The following EIF3B variants were observed in gnomAD, a reference collection of about 807,000 sequenced individuals.
EIF3B encodes eukaryotic translation initiation factor 3 subunit B, also known as eukaryotic translation initiation factor 3 subunit 9.
EIF3B carries 10 observed loss-of-function variants against 104.6 expected under a neutral mutation model. That is an observed-to-expected ratio of 0.10 (90% CI 0.06 to 0.16). EIF3B has a LOEUF of 0.16. EIF3B is among the 10% of genes least tolerant of loss of function. The pLI is 1.00. For synonymous variants in EIF3B, 542 were observed against 417.2 expected, an observed-to-expected ratio of 1.30 and a Z score of -3.65; for missense variants, 1,014 against 1,087.9, an observed-to-expected ratio of 0.93 and a Z score of 0.96.
intron 16 of EIF3B, 42 bp from the exon 17 acceptor site, chr7:2,379,092 C>G: frequency 6.3e-7 from 1 of 1,577,182 alleles, no homozygotes; most frequent in Non-Finnish European, 8.7e-7. Context: ...TGGGGAGGCA[C>G]TTGTCTTACC....
intron 10 of EIF3B, 118 bp from the exon 11 acceptor site, chr7:2,371,659 C>T (rs763058613): frequency 2.9e-5 from 23 of 795,394 alleles, no homozygotes; most frequent in Admixed American, 4.0e-5. Context: ...TGCACATGCT[C>T]GTGTGTGAAC....
intron 13 of EIF3B, 87 bp downstream of exon 13, chr7:2,374,693 TGG>T: frequency 1.6e-6 from 2 of 1,254,676 alleles, no homozygotes; most frequent in Non-Finnish European, 2.3e-6. Context: ...CCCGGCTTCT[TGG>T]TAGAGAGAGT....
At chr7:2,374,241 G>C (rs1187801004) in intron 12 of EIF3B, 1 of 324,740 alleles carries the variant, frequency 3.1e-6, no homozygotes, top group African/African-American at 2.1e-5. Context: ...CCCTGCAGCA[G>C]TGAACATTTG....
chr7:2,367,232 C>T, intron 9 of EIF3B, 187 bp downstream of exon 9: 1 of 562,514 alleles, frequency 1.8e-6, no homozygotes, highest in Non-Finnish European at 3.1e-6. Context: ...CGGCCCACCT[C>T]CCTCCTAGTG....
intron 14 of EIF3B, 29 bp from the exon 15 acceptor site, chr7:2,376,921 T>G: frequency 6.2e-7 from 1 of 1,603,030 alleles, no homozygotes; most frequent in Non-Finnish European, 8.5e-7. Context: ...GACCCCTCTG[T>G]GTCCTGGTGT....
chr7:2,379,936 T>C (rs1015724953), intron 18 of EIF3B: 25 of 258,694 alleles, frequency 9.7e-5, no homozygotes, highest in Non-Finnish European at 1.8e-4. Context: ...GGGAGCAGAG[T>C]GCGGGAGCTC....
rs1215974327 is a variant in EIF3B at position 2,379,476 on chromosome 7, T to A, written c.2424T>A (p.Ile808=). The A allele has an allele frequency of 6.3e-7, 1 of 1,578,880 alleles. No individual in the cohort carries two copies. The highest frequency in any genetic ancestry group is 2.3e-5 in the East Asian group (1 of 43,574). ...AGTTCTTCGTCACTGAAGAAATCAT[T>A]CCCCTCGGGAATCAGGAGTGACCTG... The part of the protein sequence containing the change: ...TIEFFVTEEI[I]PLGNQE The change falls in exon 18 of 19, where the codon ATT becomes ATA. Residue 808 remains isoleucine (I), a synonymous_variant. Transcript: ENST00000360876.
intron 2 of EIF3B, among the ~76,000 whole-genome samples, chr7:2,361,474 C>T (rs1355443013): frequency 6.6e-6 from 1 of 152,080 alleles, no homozygotes; most frequent in Non-Finnish European, 1.5e-5. Flanking sequence ...GGCTGGAGTG[C>T]AGTGTCGCAA....
chr7:2,367,681 G>T (rs577815692), intron 9 of EIF3B, among the ~76,000 whole-genome samples: 1 of 151,974 alleles, frequency 6.6e-6, no homozygotes, highest in Non-Finnish European at 1.5e-5. Flanking sequence ...TGTTGGCTGG[G>T]CTGGTCTCAA....
Position 2,380,433 on chromosome 7 carries a change from G to A in EIF3B, c.*244G>A, listed in dbSNP as rs1282229966. On this transcript the variant is annotated 3_prime_UTR_variant, in exon 19 of 19. Coordinates refer to ENST00000360876, the MANE Select transcript of EIF3B (RefSeq NM_001037283.2). ...CTTTCAGCCCCTGGTGTCTGCAGTG[G>A]GGGATTTAAGGCACCCGCTTCCACT... 1 of 515,790 alleles carries A rather than the reference G, an allele frequency of 1.9e-6. No homozygotes were observed. Among genetic ancestry groups the A allele is most frequent in the East Asian group, 5.5e-5 (1 of 18,314 alleles). 32.0% of individuals were successfully genotyped at this position (515,790 alleles called of 1,614,324 possible). A position where few individuals can be genotyped will look rare whatever the true frequency, so the allele number is the denominator to read the frequency against.
Position 2,355,360 on chromosome 7 carries a change from G to C in EIF3B, c.439G>C (p.Asp147His), listed in dbSNP as rs1226332885. 3 of 1,537,670 alleles carry C rather than the reference G, an allele frequency of 2.0e-6. No individual in the cohort carries two copies. The highest frequency in any genetic ancestry group is 2.4e-5 in the East Asian group (1 of 41,218). Residue 147 changes from aspartate (D) to histidine (H), a missense_variant, in exon 1 of 19, where the codon GAC becomes CAC. Asp to His is a moderately conservative substitution (Grantham distance 81). Coordinates refer to ENST00000360876, the MANE Select transcript of EIF3B (RefSeq NM_001037283.2). ...EAEPRALENG[D>H]ADEPSFSDPE... ...CGAACCCCGGGCGCTGGAGAACGGC[G>C]ACGCGGACGAGCCCTCCTTCAGCGA... is the stretch of plus-strand genomic sequence containing the variant.
chr7:2,356,270 T>G (rs1779430582), intron 1 of EIF3B, among the ~76,000 whole-genome samples: 1 of 152,138 alleles, frequency 6.6e-6, no homozygotes, highest in African/African-American at 2.4e-5. Flanking sequence ...CAGGACAATT[T>G]CGGGAATAAC....
chr7:2,356,050 G>C (rs571512112), intron 1 of EIF3B, among the ~76,000 whole-genome samples: 1 of 152,286 alleles, frequency 6.6e-6, no homozygotes, highest in South Asian at 2.1e-4. Context: ...TCTCAACCTT[G>C]ATTGGATTTA....
At position 2,366,599 on chromosome 7, in the gene EIF3B, G is replaced by C; in HGVS notation, c.1356+8G>C. ...AGCATCTATGAAACTCCTGTAAGTG[G>C]CCTCAGTGATGGCAAACGCCCCGTC... On this transcript the variant is annotated splice_region_variant and intron_variant, in intron 8 of 18. Transcript: ENST00000360876. 1 of 1,614,174 alleles carries C rather than the reference G, an allele frequency of 6.2e-7. No individual in the cohort carries two copies. Among genetic ancestry groups the C allele is most frequent in the Non-Finnish European group, 8.5e-7 (1 of 1,180,028 alleles).
intron 1 of EIF3B, among the ~76,000 whole-genome samples, chr7:2,355,727 C>CT (rs1779386281): frequency 6.6e-6 from 1 of 152,132 alleles, no homozygotes; most frequent in Non-Finnish European, 1.5e-5. Flanking sequence ...TCCGTTATGG[C>CT]TGGGTGTGCT....
chr7:2,375,172 A>T (rs1300457532), intron 13 of EIF3B: 1 of 540,830 alleles, frequency 1.8e-6, no homozygotes. Context: ...TTCCAGTAAA[A>T]ATAATATGAT....
rs772118277 is a variant in EIF3B, at chr7:2,374,536, G to A, written c.1819G>A (p.Asp607Asn). The A allele has an allele frequency of 5.0e-6, 8 of 1,613,848 alleles. No homozygotes were observed. The highest frequency in any genetic ancestry group is 4.4e-5 in the South Asian group (4 of 91,066). The change falls in exon 13 of 19, where the codon GAC becomes AAC. Residue 607 changes from aspartate (D) to asparagine (N), a missense_variant. Physicochemically the swap from Asp to Asn is conservative, Grantham distance 23 (BLOSUM62 1). Coordinates refer to ENST00000360876, the MANE Select transcript of EIF3B (RefSeq NM_001037283.2). ...NGKIELIKMFDKQQANTIFWS... is the reference protein window; with the variant it reads ...NGKIELIKMFNKQQANTIFWS... ...GCGCTCTTTCCTTTCAGAGATGTTC[G>A]ACAAGCAGCAGGCGAACACCATCTT...
At chr7:2,365,680 GTTTT>G (rs368207304) in intron 6 of EIF3B, among the ~76,000 whole-genome samples, 2 of 98,132 alleles carry the variant, frequency 2.0e-5, no homozygotes, top group Non-Finnish European at 3.8e-5. Flanking sequence ...TGTTTGTTTT[GTTTT>G]TTTTTTTTTT....
intron 2 of EIF3B, among the ~76,000 whole-genome samples, chr7:2,361,869 C>T (rs192175815): frequency 1.2e-3 from 186 of 152,222 alleles, no homozygotes; most frequent in Non-Finnish European, 2.3e-3. Context: ...CTCCGCCTCC[C>T]GGGTTCAAGC....
Sources: allele counts gnomAD v4.1 joint callset (sites outside exome capture counted in the v4.1 genomes callset), GRCh38; gene constraint gnomAD v4.1.1; transcripts MANE v1.5; gene names NCBI Gene and HGNC (gene_info 2026-07-23, HGNC 2026-07-21).